The following BRIP1 variants were observed in gnomAD, a reference collection of about 807,000 sequenced individuals.
BRIP1 encodes the protein Fanconi anemia group J protein.
BRIP1 carries 88 observed loss-of-function variants against 119.7 expected under a neutral mutation model. The ratio of observed to expected loss-of-function variants is 0.74; its 90% CI spans 0.62 to 0.88. BRIP1 has a LOEUF of 0.88. BRIP1 is among the 40% of genes least tolerant of loss of function. The pLI, the probability that BRIP1 is intolerant of heterozygous loss-of-function variation, is 0.00. For synonymous variants in BRIP1, 443 were observed against 496.5 expected (o/e 0.89, Z 1.43); for missense variants, 1,259 against 1,455.4 (o/e 0.87, Z 2.20).
Position 61,683,674 on chromosome 17 carries a change from TTC to T in BRIP1, c.3370_3371del (p.Glu1124SerfsTer4), listed in dbSNP as rs1426528935. On this transcript the variant is annotated frameshift_variant, in exon 20 of 20. Coordinates refer to ENST00000259008, the MANE Select transcript of BRIP1 (RefSeq NM_032043.3). LOFTEE classifies it low-confidence loss of function (END_TRUNC). The surrounding 1 kb of genome is among the most constrained non-coding windows in gnomAD (Gnocchi z 4.7). ...TAAAATAGATAGATTCATCTTCTGCTTCTGTTTCAAAATCTCTATTTGAAGTG... is the reference window on the plus strand; with the variant it reads ...TAAAATAGATAGATTCATCTTCTGCTTGTTTCAAAATCTCTATTTGAAGTG... Reference protein sequence around the residue: ...QSTSNRDFETEAEDESIYFTP... With the variant: ...QSTSNRDFETXAEDESIYFTP... 6.2e-7 allele frequency: 1 copy of T among 1,613,788 alleles called. No individual in the cohort carries two copies. Among genetic ancestry groups the T allele is most frequent in the Admixed American group, 1.7e-5 (1 of 60,034 alleles).
At chr17:61,741,878 A>T (rs1050269410) in intron 16 of BRIP1, among the ~76,000 whole-genome samples, 2 of 152,222 alleles carry the variant, frequency 1.3e-5, no homozygotes, top group African/African-American at 2.4e-5. Context: ...CACCAGCTGC[A>T]CTGGCCCATC....
chr17:61,794,426 C>T lies in BRIP1; in HGVS notation c.1341-697G>A, dbSNP rs540228483. 6.6e-6 allele frequency among the ~76,000 whole-genome samples: 1 copy of T among 151,966 alleles called. No individual in the cohort carries two copies. The highest frequency in any genetic ancestry group is 1.5e-5 in the Non-Finnish European group (1 of 67,996). ...ATGGAGCTGGAGATCATATCCTTAG[C>T]AAACTAATGCAGGAACAGAAAATAC... On this transcript the variant is annotated intron_variant, in intron 9 of 19. Transcript: ENST00000259008. This position sits in a 1 kb window ranked among gnomAD's most constrained non-coding sequence, Gnocchi z 4.3.
At position 61,693,327 on chromosome 17, in the gene BRIP1, G is replaced by A; in HGVS notation, c.2575+103C>T. On this transcript the variant is annotated intron_variant, in intron 18 of 19. Coordinates refer to ENST00000259008, the MANE Select transcript of BRIP1 (RefSeq NM_032043.3). This position sits in a 1 kb window ranked among gnomAD's most constrained non-coding sequence, Gnocchi z 4.2. Reference sequence around the variant, plus strand: ...TGCTTATAGTTAACAATATTGTACTGTGCACTTAATAAGATAGTAGAGCTC... The same window carrying A: ...TGCTTATAGTTAACAATATTGTACTATGCACTTAATAAGATAGTAGAGCTC... 9.8e-7 allele frequency: 1 copy of A among 1,021,816 alleles called. No individual in the cohort carries two copies. Among genetic ancestry groups the A allele is most frequent in the Non-Finnish European group, 1.5e-6 (1 of 648,134 alleles). 63.3% of individuals were successfully genotyped at this position (1,021,816 alleles called of 1,614,324 possible).
In BRIP1 at chr17:61,724,421, T is replaced by G. The variant is rs1005022495; in HGVS notation, c.2380-8358A>C. Among the ~76,000 whole-genome samples, 2 of 152,318 alleles carry G rather than the reference T, an allele frequency of 1.3e-5. No individual in the cohort carries two copies. Among genetic ancestry groups the G allele is most frequent in the South Asian group, 2.1e-4 (1 of 4,828 alleles). ...ATAATCAAAAGGATTATACTGCATA[T>G]GTCAACGAGAAATTAAGGTCACAAT... On this transcript the variant is annotated intron_variant, in intron 16 of 19. Transcript: ENST00000259008. This position sits in a 1 kb window ranked among gnomAD's most constrained non-coding sequence, Gnocchi z 5.1.
At chr17:61,801,215 A>C (rs2077984967) in intron 8 of BRIP1, 38 bp downstream of exon 8, 1 of 1,545,062 alleles carries the variant, frequency 6.5e-7, no homozygotes, top group Admixed American at 1.7e-5. Context: ...CATCTCCATG[A>C]GTAGGAAGAA....
At chr17:61,811,519 G>A (rs773409277) in intron 6 of BRIP1, among the ~76,000 whole-genome samples, 1 of 151,748 alleles carries the variant, frequency 6.6e-6, no homozygotes, top group Non-Finnish European at 1.5e-5. Flanking sequence ...CACCATGCCC[G>A]GCCAAGAAGA....
intron 6 of BRIP1, among the ~76,000 whole-genome samples, chr17:61,819,638 C>T (rs896336580): frequency 2.0e-5 from 3 of 152,268 alleles, no homozygotes; most frequent in Non-Finnish European, 4.4e-5. Flanking sequence ...GAAAGACAAA[C>T]TTTGCATGTT....
chr17:61,729,978 G>A lies in BRIP1; in HGVS notation c.2379+13035C>T, dbSNP rs1457672305. 4.6e-5 allele frequency among the ~76,000 whole-genome samples: 7 copies of A among 152,186 alleles called. No individual in the cohort carries two copies. ...AACAAAGAATTACCCAGTCCAAAAT[G>A]TCAATAGTGCCAAGTTTGAGAAACA... On this transcript the variant is annotated intron_variant, in intron 16 of 19. Transcript: ENST00000259008. The surrounding 1 kb of genome is among the most constrained non-coding windows in gnomAD (Gnocchi z 5.6).
At chr17:61,737,792 ATAAC>A (rs748851450) in intron 16 of BRIP1, among the ~76,000 whole-genome samples, 2 of 152,210 alleles carry the variant, frequency 1.3e-5, no homozygotes, top group Non-Finnish European at 2.9e-5. Flanking sequence ...TTATAAATGG[ATAAC>A]TAACAAATAC....
At chr17:61,785,261 A>C (rs183540264) in intron 10 of BRIP1, among the ~76,000 whole-genome samples, 15 of 152,240 alleles carry the variant, frequency 9.9e-5, no homozygotes, top group African/African-American at 3.4e-4. Flanking sequence ...ATACATGCTA[A>C]ATAACAAAAT....
chr17:61,757,122 A>G lies in BRIP1; in HGVS notation c.2098-12531T>C, dbSNP rs1020699746. On this transcript the variant is annotated intron_variant, in intron 14 of 19. Transcript: ENST00000259008. This position sits in a 1 kb window ranked among gnomAD's most constrained non-coding sequence, Gnocchi z 4.3. ...ATATGTGGCATATGTTAGAAATAAAAAAGAGTTCCTTTTAAATACTAATAA... is the reference window on the plus strand; with the variant it reads ...ATATGTGGCATATGTTAGAAATAAAGAAGAGTTCCTTTTAAATACTAATAA... 6.6e-6 allele frequency among the ~76,000 whole-genome samples: 1 copy of G among 152,256 alleles called. No individual in the cohort carries two copies. Among genetic ancestry groups the G allele is most frequent in the African/African-American group, 2.4e-5 (1 of 41,476 alleles).
Position 61,852,640 on chromosome 17 carries a change from C to A in BRIP1, c.380-3384G>T, listed in dbSNP as rs964533153. Among the ~76,000 whole-genome samples the A allele has an allele frequency of 6.0e-4, 91 of 152,064 alleles. 1 individual carries two copies. Among genetic ancestry groups the A allele is most frequent in the African/African-American group, 2.2e-3 (91 of 41,396 alleles). On this transcript the variant is annotated intron_variant, in intron 4 of 19. Coordinates refer to ENST00000259008, the MANE Select transcript of BRIP1 (RefSeq NM_032043.3). The surrounding 1 kb of genome is among the most constrained non-coding windows in gnomAD (Gnocchi z 4.9). ...TTGAGATCGCACCACTGCACTCTAG[C>A]CTGAGCGACAGAGTGAGACCCCACC...
chr17:61,780,132 TA>T lies in BRIP1; in HGVS notation c.1935+128del. On this transcript the variant is annotated intron_variant, in intron 13 of 19. Transcript: ENST00000259008. This position sits in a 1 kb window ranked among gnomAD's most constrained non-coding sequence, Gnocchi z 5.4. ...GTAGCTGACAGATTTTCTTTTATTG[TA>T]AAACTGGAATGTTGAATTTCCTACC... The T allele has an allele frequency of 9.8e-7, 1 of 1,017,434 alleles. No individual in the cohort carries two copies. Among genetic ancestry groups the T allele is most frequent in the Non-Finnish European group, 1.5e-6 (1 of 674,156 alleles). 63.0% of individuals were successfully genotyped at this position (1,017,434 alleles called of 1,614,324 possible).
chr17:61,847,319 C>A, intron 5 of BRIP1, 99 bp from the exon 6 acceptor site: 1 of 1,346,682 alleles, frequency 7.4e-7, no homozygotes, highest in South Asian at 1.2e-5. Context: ...TTTTTTCCTG[C>A]ATCCAAAAAA....
chr17:61,784,055 C>A, intron 11 of BRIP1: 1 of 455,720 alleles, frequency 2.2e-6, no homozygotes, highest in East Asian at 4.1e-5. Flanking sequence ...GCACTTCAGC[C>A]TGGGTGACAG....
At chr17:61,813,961 CTAAG>C (rs1180648419) in intron 6 of BRIP1, among the ~76,000 whole-genome samples, 1 of 151,986 alleles carries the variant, frequency 6.6e-6, no homozygotes, top group Non-Finnish European at 1.5e-5. Flanking sequence ...CAAAATATTC[CTAAG>C]TATGATCTTC....
intron 16 of BRIP1, among the ~76,000 whole-genome samples, chr17:61,731,914 A>T (rs970549047): frequency 3.9e-5 from 1 of 25,326 alleles, no homozygotes; most frequent in Non-Finnish European, 1.6e-4. Flanking sequence ...GCCAGATATT[A>T]AAAAAAAAAA....
rs1183809828 is a variant in BRIP1 at position 61,810,107 on chromosome 17, G to A, written c.628-1350C>T. ...TCAAAGCAGATAAAGTTACAGCCAT[G>A]CTGGAATTGTTACATTCTCCTCTCA... On this transcript the variant is annotated intron_variant, in intron 6 of 19. Coordinates refer to ENST00000259008, the MANE Select transcript of BRIP1 (RefSeq NM_032043.3). This position sits in a 1 kb window ranked among gnomAD's most constrained non-coding sequence, Gnocchi z 4.7. 1.3e-5 allele frequency among the ~76,000 whole-genome samples: 2 copies of A among 152,228 alleles called. No individual in the cohort carries two copies. The highest frequency in any genetic ancestry group is 2.9e-5 in the Non-Finnish European group (2 of 68,034).
intron 11 of BRIP1, among the ~76,000 whole-genome samples, chr17:61,781,680 T>C (rs892254633): frequency 2.6e-5 from 4 of 152,086 alleles, no homozygotes; most frequent in Non-Finnish European, 5.9e-5. Flanking sequence ...CCCAGCACTT[T>C]GGGAGGCCGA....
Sources: gnomAD v4.1 joint callset for allele counts (sites outside exome capture counted in the v4.1 genomes callset) on GRCh38, gnomAD v4.1.1 for gene constraint, Gnocchi (gnomAD v3.1) non-coding constraint, MANE v1.5 for transcripts, NCBI Gene and HGNC (gene_info 2026-07-23, HGNC 2026-07-21) for gene names.